PCDHGA11: variants seen among roughly 807,000 people sequenced by gnomAD.
PCDHGA11 encodes the protein protocadherin gamma subfamily A, 11.
Under a neutral mutation model 60.4 loss-of-function variants are expected in PCDHGA11, and 39 were observed. The observed-to-expected ratio is 0.65, with a 90% CI of 0.50 to 0.84. The LOEUF (loss-of-function observed/expected upper bound fraction) is 0.84, where lower values mean the gene tolerates loss of function less well. Among genes scored for constraint, PCDHGA11 ranks in the 40% least tolerant of loss-of-function variants. The pLI, the probability that PCDHGA11 is intolerant of heterozygous loss-of-function variation, is 0.00. For synonymous variants in PCDHGA11, 533 were observed against 510.3 expected (o/e 1.04, Z -0.60); for missense variants, 1,165 against 1,197.7 (o/e 0.97, Z 0.40).
At chr5:141,427,228 T>C (rs2097002884) in intron 1 of PCDHGA11, 1 of 456,550 alleles carries the variant, frequency 2.2e-6, no homozygotes, top group South Asian at 1.5e-5. Context: ...AGTTATACCA[T>C]GAGAGTAGAA....
At chr5:141,434,128 G>A (rs1267483739) in intron 1 of PCDHGA11, among the ~76,000 whole-genome samples, 1 of 152,138 alleles carries the variant, frequency 6.6e-6, no homozygotes, top group Non-Finnish European at 1.5e-5. Flanking sequence ...ACTCCCTTTA[G>A]GCTGATTTCT....
chr5:141,455,502 A>G (rs888549465), intron 1 of PCDHGA11, among the ~76,000 whole-genome samples: 12 of 152,206 alleles, frequency 7.9e-5, no homozygotes, highest in African/African-American at 2.7e-4. Flanking sequence ...TCTGATTTGC[A>G]TAGGGCTCAG....
At chr5:141,500,782 T>G (rs2099802612) in intron 2 of PCDHGA11, among the ~76,000 whole-genome samples, 2 of 152,222 alleles carry the variant, frequency 1.3e-5, no homozygotes, top group Admixed American at 1.3e-4. Context: ...ATATACATAT[T>G]ATTTTACAGA....
Position 141,432,410 on chromosome 5 carries a change from T to C in PCDHGA11, c.2433+8750T>C. On this transcript the variant is annotated intron_variant, in intron 1 of 3. Transcript: ENST00000398587. This position sits in a 1 kb window ranked among gnomAD's most constrained non-coding sequence, Gnocchi z 6.0. The stretch of plus-strand genomic sequence containing the variant: ...CAGCAGCAACGTGTCGTTGAGCCTG[T>C]TCGTGCTGGACCAGAACGACAATGC... 6.2e-7 allele frequency: 1 copy of C among 1,614,228 alleles called. No homozygotes were observed. Among genetic ancestry groups the C allele is most frequent in the East Asian group, 2.2e-5 (1 of 44,884 alleles).
intron 1 of PCDHGA11, among the ~76,000 whole-genome samples, chr5:141,437,491 T>C (rs1428543921): frequency 6.6e-6 from 1 of 152,184 alleles, no homozygotes; most frequent in Non-Finnish European, 1.5e-5. Flanking sequence ...ATCTCGTAGA[T>C]CACTTTTCAA....
rs759220286 is a variant in PCDHGA11 at position 141,490,018 on chromosome 5, C to G, written c.2434-4789C>G. The G allele has an allele frequency of 6.2e-7, 1 of 1,614,252 alleles. No individual in the cohort carries two copies. Among genetic ancestry groups the G allele is most frequent in the Non-Finnish European group, 8.5e-7 (1 of 1,180,038 alleles). ...CCCAGAGAATGCACCCATTGGTACTCTGCTGCTCCGCCTCAATGCCACTGA... is the reference window on the plus strand; with the variant it reads ...CCCAGAGAATGCACCCATTGGTACTGTGCTGCTCCGCCTCAATGCCACTGA... On this transcript the variant is annotated intron_variant, in intron 1 of 3. Transcript: ENST00000398587. This position sits in a 1 kb window ranked among gnomAD's most constrained non-coding sequence, Gnocchi z 5.4.
chr5:141,475,981 G>A, intron 1 of PCDHGA11: 1 of 1,042,940 alleles, frequency 9.6e-7, no homozygotes, highest in Non-Finnish European at 1.4e-6. Context: ...CTGAACAGCC[G>A]GCGAGCAAAT....
chr5:141,450,450 C>T (rs964666176), intron 1 of PCDHGA11, among the ~76,000 whole-genome samples: 5 of 151,996 alleles, frequency 3.3e-5, no homozygotes, highest in African/African-American at 9.7e-5. Context: ...TTTTATGTTT[C>T]CTCGTGATTT....
intron 1 of PCDHGA11, among the ~76,000 whole-genome samples, chr5:141,470,814 A>T (rs1170059292): frequency 2.6e-5 from 4 of 152,006 alleles, no homozygotes; most frequent in Admixed American, 6.5e-5. Context: ...CAGCCTTCTG[A>T]GTAGTTAGGA....
At chr5:141,441,734 G>GAT in intron 1 of PCDHGA11, 1 of 364,808 alleles carries the variant, frequency 2.7e-6, no homozygotes, top group South Asian at 2.2e-5. Context: ...ACCAGGACTA[G>GAT]CTCGCGCTCG....
Position 141,485,434 on chromosome 5 carries a change from G to T in PCDHGA11, c.2434-9373G>T. The stretch of plus-strand genomic sequence containing the variant: ...TGGACAGCGGAGCCCTGCTCATCAA[G>T]AACCCAATCGACCGAGAGGCACTGT... On this transcript the variant is annotated intron_variant, in intron 1 of 3. Transcript: ENST00000398587. This position sits in a 1 kb window ranked among gnomAD's most constrained non-coding sequence, Gnocchi z 5.7. The T allele has an allele frequency of 6.2e-7, 1 of 1,614,166 alleles. No homozygotes were observed. The highest frequency in any genetic ancestry group is 1.6e-4 in the Middle Eastern group (1 of 6,062).
chr5:141,497,796 TC>T (rs1251163385), intron 2 of PCDHGA11, among the ~76,000 whole-genome samples: 2 of 152,160 alleles, frequency 1.3e-5, no homozygotes, highest in African/African-American at 2.4e-5. Context: ...TGCTTCAGCT[TC>T]CCAAAGTGCT....
At chr5:141,467,097 G>A (rs912875702) in intron 1 of PCDHGA11, among the ~76,000 whole-genome samples, 1 of 150,152 alleles carries the variant, frequency 6.7e-6, no homozygotes, top group Non-Finnish European at 1.5e-5. Context: ...CTGTCACACA[G>A]GCTGGAGTAC....
chr5:141,429,314 C>A (rs1463397731), intron 1 of PCDHGA11, among the ~76,000 whole-genome samples: 2 of 151,722 alleles, frequency 1.3e-5, no homozygotes, highest in Admixed American at 6.6e-5. Flanking sequence ...GTATATAAGG[C>A]TTTTTCTTTA....
At chr5:141,469,994 C>T (rs948868787) in intron 1 of PCDHGA11, among the ~76,000 whole-genome samples, 2 of 151,830 alleles carry the variant, frequency 1.3e-5, no homozygotes, top group Non-Finnish European at 1.5e-5. Flanking sequence ...AGCTGGTCGT[C>T]GTGGCACGCC....
intron 1 of PCDHGA11, chr5:141,441,550 G>C (rs2098254247): frequency 5.4e-6 from 1 of 184,034 alleles, no homozygotes; most frequent in Non-Finnish European, 1.1e-5. Context: ...AGCCTCCATA[G>C]TGTGCAAGTA....
At chr5:141,505,353 G>A (rs376781305) in intron 2 of PCDHGA11, 40 bp from the exon 3 acceptor site, 51 of 1,613,426 alleles carry the variant, frequency 3.2e-5, no homozygotes, top group East Asian at 2.7e-4. Flanking sequence ...GAGCTGTGCC[G>A]GCCTGGGAGT....
At position 141,502,665 on chromosome 5, in the gene PCDHGA11, A is replaced by G. The variant is rs192555506; in HGVS notation, c.2493-2728A>G. The stretch of plus-strand genomic sequence containing the variant: ...GAGATAGGCAGCAACCCTTCATGCA[A>G]TTTTAGTATTCCCTGATGATCCTTG... On this transcript the variant is annotated intron_variant, in intron 2 of 3. Transcript: ENST00000398587. 3.7e-3 allele frequency among the ~76,000 whole-genome samples: 568 copies of G among 152,330 alleles called. 1 individual carries two copies. Among genetic ancestry groups the G allele is most frequent in the African/African-American group, 0.013 (544 of 41,584 alleles).
chr5:141,428,115 G>A (rs753384738), intron 1 of PCDHGA11: 2 of 1,607,178 alleles, frequency 1.2e-6, no homozygotes, highest in Non-Finnish European at 8.5e-7. Flanking sequence ...GCAGGCCATC[G>A]AGCCCGGGCT....
Sources: gnomAD v4.1 joint callset for allele counts (sites outside exome capture counted in the v4.1 genomes callset) on GRCh38, gnomAD v4.1.1 for gene constraint, Gnocchi (gnomAD v3.1) non-coding constraint, MANE v1.5 for transcripts, NCBI Gene and HGNC (gene_info 2026-07-23, HGNC 2026-07-21) for gene names.